The following SEMA5A variants were observed in gnomAD, a reference collection of about 807,000 sequenced individuals.
SEMA5A encodes the protein semaphorin 5A.
In SEMA5A, 55 loss-of-function variants were observed where a neutral mutation model predicts 135.5. The ratio of observed to expected loss-of-function variants is 0.41; its 90% confidence interval spans 0.33 to 0.51. SEMA5A has a LOEUF of 0.51. SEMA5A is among the 20% of genes least tolerant of loss of function. The pLI, the probability that SEMA5A is intolerant of heterozygous loss-of-function variation, is 0.37. For synonymous variants in SEMA5A, 580 were observed against 546.5 expected (o/e 1.06, Z -0.85); for missense variants, 1,290 against 1,419.9 (o/e 0.91, Z 1.47).
chr5:9,202,306 C>G (rs954029217), intron 8 of SEMA5A, 66 bp from the exon 9 acceptor site: 1 of 1,531,906 alleles, frequency 6.5e-7, no homozygotes, highest in Non-Finnish European at 8.9e-7. Context: ...GTCTTGCCTG[C>G]TCAGTATTTC....
chr5:9,463,203 G>A (rs1561273598), intron 1 of SEMA5A, among the ~76,000 whole-genome samples: 2 of 152,130 alleles, frequency 1.3e-5, no homozygotes, highest in Admixed American at 6.5e-5. Context: ...AACAGTGAAA[G>A]CGTTCTCAAG....
intron 16 of SEMA5A, among the ~76,000 whole-genome samples, chr5:9,088,209 C>T (rs2150118108): frequency 6.7e-6 from 1 of 149,562 alleles, no homozygotes; most frequent in African/African-American, 2.5e-5. Context: ...GAGGCTGAGG[C>T]AGGAGAATCC....
chr5:9,047,895 G>A (rs2150035017), intron 21 of SEMA5A, among the ~76,000 whole-genome samples: 1 of 152,264 alleles, frequency 6.6e-6, no homozygotes, highest in African/African-American at 2.4e-5. Flanking sequence ...GGTGGTGATG[G>A]GCTTTGCACC....
rs1561202884 is a variant in SEMA5A, at chr5:9,379,949, T to TCA, written c.-4_-3insTG. The TCA allele has an allele frequency of 4.2e-5, 68 of 1,608,994 alleles. No homozygotes were observed. The highest frequency in any genetic ancestry group is 5.6e-5 in the Non-Finnish European group (66 of 1,177,118). On this transcript the variant is annotated 5_prime_UTR_variant, in exon 3 of 23. Transcript: ENST00000382496. Reference sequence around the variant, plus strand: ...GCTATAACACAGGTTCCCTTCATGGTGGGCAAGGGGCCTCTGACTCTGGGC... The same window carrying TCA: ...GCTATAACACAGGTTCCCTTCATGGTCAGGGCAAGGGGCCTCTGACTCTGGGC...
rs751065453 is a variant in SEMA5A at position 9,162,472 on chromosome 5, ATG to A, written c.1274-7779_1274-7778del. Among the ~76,000 whole-genome samples the A allele has an allele frequency of 7.7e-4, 19 of 24,534 alleles. 1 individual carries two copies. Among genetic ancestry groups the A allele is most frequent in the African/African-American group, 3.1e-3 (14 of 4,588 alleles). 16.1% of individuals were successfully genotyped at this position (24,534 alleles called of 152,430 possible). A position where few individuals can be genotyped will look rare whatever the true frequency, so the allele number is the denominator to read the frequency against. On this transcript the variant is annotated intron_variant, in intron 11 of 22. Transcript: ENST00000382496. The stretch of plus-strand genomic sequence containing the variant: ...TGTATATATATGTGTGTGTATATAT[ATG>A]TGTGTGTGTATATATGTATATGTGT...
intron 8 of SEMA5A, among the ~76,000 whole-genome samples, chr5:9,215,353 C>A (rs1182915559): frequency 6.6e-6 from 1 of 152,014 alleles, no homozygotes; most frequent in African/African-American, 2.4e-5. Context: ...GTACCCATCC[C>A]CCAACCAAAA....
At chr5:9,055,902 C>T (rs973216710) in intron 18 of SEMA5A, among the ~76,000 whole-genome samples, 1 of 152,018 alleles carries the variant, frequency 6.6e-6, no homozygotes, top group Admixed American at 6.6e-5. Context: ...AAGCTCTCTC[C>T]CATATCTATT....
intron 4 of SEMA5A, among the ~76,000 whole-genome samples, chr5:9,335,718 C>A (rs566376611): frequency 6.6e-6 from 1 of 152,288 alleles, no homozygotes; most frequent in African/African-American, 2.4e-5. Flanking sequence ...GGCTCATGCC[C>A]TTGCCAGATG....
rs1028477850 is a variant in SEMA5A at position 9,545,006 on chromosome 5, G to A, written c.-175+578C>T. ...CGCCTAGCTGCAGCGCACCTGGCTG[G>A]TGGTTCCCCAGGCCTCTGCATCCCC... On this transcript the variant is annotated intron_variant, in intron 1 of 22. Transcript: ENST00000382496. This position sits in a 1 kb window ranked among gnomAD's most constrained non-coding sequence, Gnocchi z 4.5. Among the ~76,000 whole-genome samples the A allele has an allele frequency of 6.6e-6, 1 of 152,208 alleles. No individual in the cohort carries two copies. Among genetic ancestry groups the A allele is most frequent in the Non-Finnish European group, 1.5e-5 (1 of 68,040 alleles).
At chr5:9,353,317 AGG>A (rs1754279172) in intron 3 of SEMA5A, among the ~76,000 whole-genome samples, 11 of 53,502 alleles carry the variant, frequency 2.1e-4, no homozygotes, top group East Asian at 6.7e-4. Context: ...GGGAAGGGAA[AGG>A]AAGGAAAGGA....
intron 1 of SEMA5A, among the ~76,000 whole-genome samples, chr5:9,447,796 T>G (rs1758489299): frequency 6.6e-6 from 1 of 152,218 alleles, no homozygotes; most frequent in Non-Finnish European, 1.5e-5. Context: ...TGTGGGGGAA[T>G]GTAATGACTT....
intron 16 of SEMA5A, among the ~76,000 whole-genome samples, chr5:9,076,242 T>C (rs564829175): frequency 6.6e-6 from 1 of 150,582 alleles, no homozygotes; most frequent in East Asian, 2.0e-4. Flanking sequence ...CTTGAAATCA[T>C]GTCATTTGCA....
At chr5:9,371,585 T>C (rs932884431) in intron 3 of SEMA5A, among the ~76,000 whole-genome samples, 4 of 152,232 alleles carry the variant, frequency 2.6e-5, no homozygotes, top group African/African-American at 9.6e-5. Context: ...TATCCCAAAA[T>C]GCATTTTGTA....
At chr5:9,105,942 T>A (rs1186929966) in intron 16 of SEMA5A, among the ~76,000 whole-genome samples, 3 of 152,234 alleles carry the variant, frequency 2.0e-5, no homozygotes, top group African/African-American at 7.2e-5. Context: ...ATAGTATAGA[T>A]CTTCCAAACA....
chr5:9,360,750 C>A (rs1358038045), intron 3 of SEMA5A, among the ~76,000 whole-genome samples: 1 of 152,194 alleles, frequency 6.6e-6, no homozygotes, highest in Non-Finnish European at 1.5e-5. Context: ...TTAGTACTTA[C>A]ATTATTCATG....
chr5:9,359,852 C>A lies in SEMA5A; in HGVS notation c.124+19971G>T, dbSNP rs114879691. Among the ~76,000 whole-genome samples the A allele has an allele frequency of 3.3e-3, 498 of 152,184 alleles. 3 individuals are homozygous for A. Among genetic ancestry groups the A allele is most frequent in the African/African-American group, 0.011 (463 of 41,518 alleles). On this transcript the variant is annotated intron_variant, in intron 3 of 22. Coordinates refer to ENST00000382496, the MANE Select transcript of SEMA5A (RefSeq NM_003966.3). ...CCATCCAGTTTTGAAGATTAAGAACCACTGGGGCAGAAGAGGGAGAATGAC... is the reference window on the plus strand; with the variant it reads ...CCATCCAGTTTTGAAGATTAAGAACAACTGGGGCAGAAGAGGGAGAATGAC...
chr5:9,160,018 C>G (rs2526118), intron 11 of SEMA5A, among the ~76,000 whole-genome samples: 78 of 151,754 alleles, frequency 5.1e-4, no homozygotes, highest in African/African-American at 1.8e-3. Flanking sequence ...CACATGGACA[C>G]AGAGAGGGGG....
intron 2 of SEMA5A, among the ~76,000 whole-genome samples, chr5:9,394,777 G>C (rs1756316352): frequency 6.6e-6 from 1 of 152,118 alleles, no homozygotes; most frequent in South Asian, 2.1e-4. Flanking sequence ...AAAGACCAAA[G>C]TTATAAGTAG....
At chr5:9,292,079 C>A (rs970505033) in intron 5 of SEMA5A, among the ~76,000 whole-genome samples, 3 of 152,038 alleles carry the variant, frequency 2.0e-5, no homozygotes, top group Admixed American at 1.3e-4. Flanking sequence ...TTTTGGTCAA[C>A]ACTATAACTG....
Sources: allele counts gnomAD v4.1 joint callset (sites outside exome capture counted in the v4.1 genomes callset), GRCh38; gene constraint gnomAD v4.1.1; non-coding constraint Gnocchi (gnomAD v3.1); transcripts MANE v1.5; gene names NCBI Gene and HGNC (gene_info 2026-07-23, HGNC 2026-07-21).